The following ZNF701 variants were observed in gnomAD, a reference collection of about 807,000 sequenced individuals.
ZNF701 encodes zinc finger protein 701.
A neutral mutation model predicts 7.1 loss-of-function variants in ZNF701; 6 were observed. That is an observed-to-expected ratio of 0.84 (90% confidence interval 0.46 to 1.66). ZNF701 has a LOEUF of 1.66. Ranked by LOEUF, ZNF701 falls within the 40% of genes most tolerant of loss-of-function variation. The pLI, the probability that ZNF701 is intolerant of heterozygous loss-of-function variation, is 0.01. For synonymous variants in ZNF701, 166 were observed against 188.2 expected (o/e 0.88, Z 0.97); for missense variants, 541 against 559.2 (o/e 0.97, Z 0.33).
rs747844090 is a variant in ZNF701 at position 52,582,735 on chromosome 19, G to T, written c.676G>T (p.Gly226Cys). The change falls in exon 4 of 4, where the codon GGT becomes TGT. Residue 226 changes from glycine to cysteine, a missense_variant. Coordinates refer to ENST00000391785, the MANE Select transcript of ZNF701 (RefSeq NM_018260.3). ...TAATGAGAGTGGCAAAGCCTTTAAT[G>T]GTAGCTCACTCTTAAAAAAACATCA... is the stretch of plus-strand genomic sequence containing the variant. ...QRNESGKAFN[G>C]SSLLKKHQII... The T allele has an allele frequency of 6.2e-7, 1 of 1,614,148 alleles. No homozygotes were observed. Among genetic ancestry groups the T allele is most frequent in the South Asian group, 1.1e-5 (1 of 91,068 alleles).
chr19:52,599,953 G>C, the ZNF701 span, among the ~76,000 whole-genome samples: 1 of 152,040 alleles, frequency 6.6e-6, no homozygotes, highest in Non-Finnish European at 1.5e-5. Flanking sequence ...AGTAGAGTCA[G>C]GATGAACTAT....
downstream of ZNF701, chr19:52,588,511 C>A (rs67036527): frequency 1.1e-5 from 3 of 268,466 alleles, no homozygotes; most frequent in Non-Finnish European, 1.5e-5. Context: ...AAAATTAAAT[C>A]TCATATTTTT....
At chr19:52,577,892 T>C (rs2059946205) in intron 3 of ZNF701, among the ~76,000 whole-genome samples, 1 of 152,128 alleles carries the variant, frequency 6.6e-6, no homozygotes, top group Non-Finnish European at 1.5e-5. Context: ...CCCGTACTCC[T>C]GGCTCCTCTT....
chr19:52,582,711 A>C lies in ZNF701; in HGVS notation c.652A>C (p.Asn218His), dbSNP rs779793064. The change falls in exon 4 of 4, where the codon AAT becomes CAT. Residue 218 changes from asparagine (N) to histidine (H), a missense_variant. Transcript: ENST00000391785. ...VHTREKSFQR[N>H]ESGKAFNGSS... ...CACAAGAGAAAAATCTTTCCAACGT[A>C]ATGAGAGTGGCAAAGCCTTTAATGG... The C allele has an allele frequency of 6.2e-7, 1 of 1,614,198 alleles. No homozygotes were observed. The highest frequency in any genetic ancestry group is 8.5e-7 in the Non-Finnish European group (1 of 1,180,016).
Position 52,580,608 on chromosome 19 carries a change from A to G in ZNF701, c.143-1594A>G, listed in dbSNP as rs546241141. ...AGTAGTGACCTTAACATGTATTTCA[A>G]TTCTTATGTTGTGTACTAGTGGTAA... On this transcript the variant is annotated intron_variant, in intron 3 of 3. Transcript: ENST00000391785. 6.6e-5 allele frequency among the ~76,000 whole-genome samples: 10 copies of G among 152,248 alleles called. No homozygotes were observed. The South Asian group carries it at 1.5e-3, about 22-fold the overall frequency.
the ZNF701 span, chr19:52,598,152 G>A: frequency 6.6e-6 from 1 of 152,126 alleles, no homozygotes; most frequent in Non-Finnish European, 1.5e-5. Context: ...CACTGTGTTA[G>A]CCAGGATGGT....
rs1035962602 is a variant in ZNF701, at chr19:52,586,101, A to T, written c.*2644A>T. 6.4e-4 allele frequency: 97 copies of T among 152,120 alleles called. 1 individual carries two copies. Among genetic ancestry groups the T allele is most frequent in the African/African-American group, 2.1e-3 (88 of 41,406 alleles). 9.4% of individuals were successfully genotyped at this position (152,120 alleles called of 1,614,324 possible). ...CTGCTGCGCAGGCCGAAGAGCGGTG[A>T]CCGGATCACAGCTCACTGCAGCTTC... On this transcript the variant is annotated 3_prime_UTR_variant, in exon 4 of 4. Transcript: ENST00000391785.
chr19:52,577,522 T>A (rs901774266), intron 3 of ZNF701, among the ~76,000 whole-genome samples: 1 of 128,984 alleles, frequency 7.8e-6, no homozygotes, highest in Admixed American at 7.5e-5. Flanking sequence ...AATATTACTC[T>A]TTGTTGCATT....
intron 2 of ZNF701, among the ~76,000 whole-genome samples, chr19:52,574,860 A>G (rs2059922890): frequency 1.3e-5 from 2 of 152,090 alleles, no homozygotes; most frequent in Admixed American, 6.6e-5. Flanking sequence ...AATGGTTACA[A>G]TTTTTCTCAA....
intron 2 of ZNF701, among the ~76,000 whole-genome samples, chr19:52,575,176 A>G (rs988379149): frequency 9.2e-5 from 14 of 152,058 alleles, no homozygotes; most frequent in Admixed American, 2.6e-4. Context: ...TCACCGTGTT[A>G]GCCAGGATGG....
At chr19:52,592,717 C>T in the ZNF701 span, among the ~76,000 whole-genome samples, 2 of 152,264 alleles carry the variant, frequency 1.3e-5, no homozygotes, top group African/African-American at 4.8e-5. Flanking sequence ...AGCCTCCCAA[C>T]CTAACTGAAA....
At chr19:52,594,850 C>G in the ZNF701 span, among the ~76,000 whole-genome samples, 1 of 152,184 alleles carries the variant, frequency 6.6e-6, no homozygotes, top group Non-Finnish European at 1.5e-5. Flanking sequence ...AAGCATCTTT[C>G]ACTGGCACTG....
chr19:52,586,867 G>A lies in ZNF701; in HGVS notation c.*3410G>A, dbSNP rs1460302361. 3.3e-5 allele frequency: 5 copies of A among 152,164 alleles called. No individual in the cohort carries two copies. The highest frequency in any genetic ancestry group is 1.2e-4 in the African/African-American group (5 of 41,442). 9.4% of individuals were successfully genotyped at this position (152,164 alleles called of 1,614,324 possible). On this transcript the variant is annotated 3_prime_UTR_variant, in exon 4 of 4. Coordinates refer to ENST00000391785, the MANE Select transcript of ZNF701 (RefSeq NM_018260.3). ...AAGGATTCCAGTCCTCCGAAAAACA[G>A]GATTAGACTCAAATCACCTTGAACC...
At position 52,584,879 on chromosome 19, in the gene ZNF701, C is replaced by G. The variant is rs2059999200; in HGVS notation, c.*1422C>G. 1.3e-5 allele frequency: 2 copies of G among 152,270 alleles called. No homozygotes were observed. The highest frequency in any genetic ancestry group is 4.8e-5 in the African/African-American group (2 of 41,472). 9.4% of individuals were successfully genotyped at this position (152,270 alleles called of 1,614,324 possible). On this transcript the variant is annotated 3_prime_UTR_variant, in exon 4 of 4. Coordinates refer to ENST00000391785, the MANE Select transcript of ZNF701 (RefSeq NM_018260.3). ...GCCTGACCCAGGCCCCGCCCACCTCCTCGGGGGTCTCCCCGCGGGTCTGGC... is the reference window on the plus strand; with the variant it reads ...GCCTGACCCAGGCCCCGCCCACCTCGTCGGGGGTCTCCCCGCGGGTCTGGC...
Position 52,575,915 on chromosome 19 carries a change from T to C in ZNF701, c.36T>C (p.Asp12=), listed in dbSNP as rs201128534. ...ALLQGLLTFR[D]VAIEFSQEEW... is the part of the protein sequence containing the mutation. Reference sequence around the variant, plus strand: ...TTCAGGGTCTACTGACATTCAGGGATGTGGCCATAGAATTCTCTCAGGAGG... The same window carrying C: ...TTCAGGGTCTACTGACATTCAGGGACGTGGCCATAGAATTCTCTCAGGAGG... Residue 12 remains aspartate, a synonymous_variant, in exon 3 of 4, where the codon GAT becomes GAC. Transcript: ENST00000391785. The C allele has an allele frequency of 2.8e-3, 4,306 of 1,541,524 alleles. 124 individuals are homozygous for C. The African/African-American group carries it at 0.055, about 20-fold the overall frequency.
At chr19:52,578,542 A>C (rs899373460) in intron 3 of ZNF701, among the ~76,000 whole-genome samples, 8 of 151,844 alleles carry the variant, frequency 5.3e-5, no homozygotes, top group African/African-American at 1.5e-4. Context: ...TCTTTGTCTT[A>C]TGTCTTTATT....
At chr19:52,592,514 G>A in the ZNF701 span, among the ~76,000 whole-genome samples, 1 of 152,202 alleles carries the variant, frequency 6.6e-6, no homozygotes, top group African/African-American at 2.4e-5. Context: ...GAGCGGAATT[G>A]TCACCATGGC....
Position 52,583,514 on chromosome 19 carries a change from C to G in ZNF701, c.*57C>G. 6.2e-7 allele frequency: 1 copy of G among 1,602,688 alleles called. No homozygotes were observed. Among genetic ancestry groups the G allele is most frequent in the Non-Finnish European group, 8.5e-7 (1 of 1,171,428 alleles). ...GTCAAACCTTGCATGTCATCATAGA[C>G]TTTATACTGGAGAGAAACCTTACAA... On this transcript the variant is annotated 3_prime_UTR_variant, in exon 4 of 4. Coordinates refer to ENST00000391785, the MANE Select transcript of ZNF701 (RefSeq NM_018260.3).
At position 52,584,644 on chromosome 19, in the gene ZNF701, T is replaced by A. The variant is rs1411401875; in HGVS notation, c.*1187T>A. 6.6e-6 allele frequency: 1 copy of A among 152,242 alleles called. No homozygotes were observed. The highest frequency in any genetic ancestry group is 1.5e-5 in the Non-Finnish European group (1 of 68,040). 9.4% of individuals were successfully genotyped at this position (152,242 alleles called of 1,614,324 possible). A position where few individuals can be genotyped will look rare whatever the true frequency, so the allele number is the denominator to read the frequency against. ...ATTTCAAGGTGTGAAATTCTCAGTTTTTTTATGTTTATTCCTAAGTATTTC... is the reference window on the plus strand; with the variant it reads ...ATTTCAAGGTGTGAAATTCTCAGTTATTTTATGTTTATTCCTAAGTATTTC... On this transcript the variant is annotated 3_prime_UTR_variant, in exon 4 of 4. Coordinates refer to ENST00000391785, the MANE Select transcript of ZNF701 (RefSeq NM_018260.3).
Sources: allele counts gnomAD v4.1 joint callset (sites outside exome capture counted in the v4.1 genomes callset), GRCh38; gene constraint gnomAD v4.1.1; transcripts MANE v1.5; gene names NCBI Gene and HGNC (gene_info 2026-07-23, HGNC 2026-07-21).